Variants in CEP78 observed in about 807,000 individuals in gnomAD.
The protein encoded by CEP78 is centrosomal protein 78.
CEP78 carries 76 observed loss-of-function variants against 81.2 expected under a neutral mutation model. The ratio of observed to expected loss-of-function variants is 0.94; its 90% CI spans 0.78 to 1.13. The LOEUF (loss-of-function observed/expected upper bound fraction) is 1.13. Among genes scored for constraint, CEP78 ranks in the 50% most tolerant of loss-of-function variants. The probability of loss-of-function intolerance (pLI) is 0.00; values close to 1 mark genes in which losing one functional copy is unlikely to be tolerated. For synonymous variants in CEP78, 293 were observed against 301.4 expected (o/e 0.97, Z 0.29); for missense variants, 918 against 846.8 (o/e 1.08, Z -1.04).
At chr9:78,253,486 G>A in intron 10 of CEP78, 2 of 459,230 alleles carry the variant, frequency 4.4e-6, no homozygotes, top group Non-Finnish European at 7.9e-6. Context: ...CATCTGTGTA[G>A]ACAGGAAGTC....
In CEP78 at chr9:78,236,422, G is replaced by A. The variant is rs546848947; in HGVS notation, c.72G>A (p.Ala24=). Residue 24 remains alanine (A), a synonymous_variant, in exon 1 of 17, where the codon GCG becomes GCA. Coordinates refer to ENST00000643273, the MANE Select transcript of CEP78 (RefSeq NM_001330691.3). ...TCTCCCACTACGAGTACCTGTGCGC[G>A]CTGCAGAACTCGGTGCCGCTGCCCG... The part of the protein sequence containing the change: ...DFFSHYEYLC[A]LQNSVPLPAV... The A allele has an allele frequency of 6.2e-6, 10 of 1,600,850 alleles. No homozygotes were observed. In the African/African-American group the frequency reaches 9.4e-5, roughly 15 times the overall value.
At position 78,236,464 on chromosome 9, in the gene CEP78, C is replaced by G. The variant is rs1216314791; in HGVS notation, c.114C>G (p.Leu38=). 4 of 1,606,388 alleles carry G rather than the reference C, an allele frequency of 2.5e-6. No homozygotes were observed. The highest frequency in any genetic ancestry group is 3.4e-6 in the Non-Finnish European group (4 of 1,176,630). Reference sequence around the variant, plus strand: ...CGCTGCCCGCCGTGCGCGCCTGTCTCCGGGAGGGCGTGCTGGATTTCAACG... The same window carrying G: ...CGCTGCCCGCCGTGCGCGCCTGTCTGCGGGAGGGCGTGCTGGATTTCAACG... ...SVPLPAVRAC[L]REGVLDFNAD... Residue 38 remains leucine (L), a synonymous_variant, in exon 1 of 17, where the codon CTC becomes CTG. Coordinates refer to ENST00000643273, the MANE Select transcript of CEP78 (RefSeq NM_001330691.3).
intron 1 of CEP78, among the ~76,000 whole-genome samples, chr9:78,238,125 C>A (rs868668635): frequency 6.6e-3 from 631 of 95,342 alleles, no homozygotes; most frequent in African/African-American, 0.016. Flanking sequence ...AACTCTGTCT[C>A]AAAAAAAAAA....
intron 3 of CEP78, among the ~76,000 whole-genome samples, chr9:78,240,699 G>A (rs1248986591): frequency 5.3e-5 from 8 of 152,062 alleles, no homozygotes; most frequent in Non-Finnish European, 1.0e-4. Context: ...GGTGGCTCAC[G>A]CCTGTGATCC....
In CEP78 at chr9:78,262,936, AAAGG is replaced by A. The variant is rs1261640800; in HGVS notation, c.1414_1417del (p.Glu472LysfsTer3). 4 of 1,544,836 alleles carry A rather than the reference AAAGG, an allele frequency of 2.6e-6. No individual in the cohort carries two copies. In the Admixed American group the frequency reaches 7.9e-5, roughly 31 times the overall value. On this transcript the variant is annotated frameshift_variant, in exon 12 of 17. Coordinates refer to ENST00000643273, the MANE Select transcript of CEP78 (RefSeq NM_001330691.3). LOFTEE classifies it high-confidence loss of function. Reference sequence around the variant, plus strand: ...AACTGGAGGAGTGCCTAAAGCAGTTAAAGGAAGAAAGAGTGATAAGGCTTAAGGT... The same window carrying A: ...AACTGGAGGAGTGCCTAAAGCAGTTAAAGAAAGAGTGATAAGGCTTAAGGT...
Position 78,274,923 on chromosome 9 carries a change from A to T in CEP78, c.*4072A>T, listed in dbSNP as rs909419035. 1 of 152,208 alleles carries T rather than the reference A, an allele frequency of 6.6e-6. No individual in the cohort carries two copies. The highest frequency in any genetic ancestry group is 1.5e-5 in the Non-Finnish European group (1 of 68,034). 9.4% of individuals were successfully genotyped at this position (152,208 alleles called of 1,614,324 possible). Reference sequence around the variant, plus strand: ...GATGAATTAAACATTTAAAGCTAAGAAAGAGATAAACCAAAAGAAAGGTGA... The same window carrying T: ...GATGAATTAAACATTTAAAGCTAAGTAAGAGATAAACCAAAAGAAAGGTGA... On this transcript the variant is annotated 3_prime_UTR_variant, in exon 17 of 17. Transcript: ENST00000643273.
chr9:78,244,636 A>G (rs1410269151), intron 5 of CEP78, among the ~76,000 whole-genome samples: 1 of 152,114 alleles, frequency 6.6e-6, no homozygotes, highest in Admixed American at 6.5e-5. Flanking sequence ...TGCAAATGGG[A>G]TTGGTCTCTG....
chr9:78,267,774 A>G (rs923086837), intron 16 of CEP78, among the ~76,000 whole-genome samples: 5 of 152,194 alleles, frequency 3.3e-5, no homozygotes. Flanking sequence ...AGGCAGAGTT[A>G]GTAAGAGTAT....
intron 1 of CEP78, among the ~76,000 whole-genome samples, chr9:78,237,075 G>C (rs1402946061): frequency 7.3e-6 from 1 of 137,040 alleles, no homozygotes; most frequent in African/African-American, 2.7e-5. Context: ...CCGCCTCCCG[G>C]GTTCAAGTGA....
At chr9:78,257,659 T>A (rs1298763723) in intron 11 of CEP78, among the ~76,000 whole-genome samples, 1 of 152,112 alleles carries the variant, frequency 6.6e-6, no homozygotes, top group East Asian at 1.9e-4. Flanking sequence ...AGGAGAAAGT[T>A]CTGTTGGCAT....
intron 11 of CEP78, among the ~76,000 whole-genome samples, chr9:78,257,159 G>A (rs1483068100): frequency 1.3e-5 from 2 of 151,620 alleles, no homozygotes; most frequent in African/African-American, 4.8e-5. Flanking sequence ...TAAGTAGACA[G>A]TCTTCACTGT....
intron 16 of CEP78, 86 bp downstream of exon 16, chr9:78,266,789 C>G: frequency 6.5e-7 from 1 of 1,540,470 alleles, no homozygotes; most frequent in Non-Finnish European, 8.7e-7. Context: ...ACCAGAAAAG[C>G]AAAGAAACTA....
At position 78,248,861 on chromosome 9, in the gene CEP78, A is replaced by G. The variant is rs1284030762; in HGVS notation, c.1057A>G (p.Thr353Ala). 7 of 1,565,838 alleles carry G rather than the reference A, an allele frequency of 4.5e-6. No homozygotes were observed. In the East Asian group the frequency reaches 1.4e-4, roughly 30 times the overall value. The change falls in exon 8 of 17, where the codon ACT becomes GCT. Residue 353 changes from threonine (T) to alanine (A), a missense_variant. Thr to Ala is a moderately conservative substitution (Grantham distance 58). Coordinates refer to ENST00000643273, the MANE Select transcript of CEP78 (RefSeq NM_001330691.3). Reference sequence around the variant, plus strand: ...AGGAAGTGGTCACAAAGGAAAAGCTACTATTAGAATTGGTAACCTTTTCTG... The same window carrying G: ...AGGAAGTGGTCACAAAGGAAAAGCTGCTATTAGAATTGGTAACCTTTTCTG... ...ILGSGHKGKA[T>A]IRIGLATKKP...
intron 2 of CEP78, 21 bp downstream of exon 2, chr9:78,240,216 C>T: frequency 6.2e-7 from 1 of 1,612,476 alleles, no homozygotes; most frequent in Non-Finnish European, 8.5e-7. Flanking sequence ...TCTCATTTGG[C>T]TTGTAGACAT....
Position 78,266,650 on chromosome 9 carries a change from A to C in CEP78, c.2054A>C (p.Glu685Ala). The change falls in exon 16 of 17, where the codon GAA becomes GCA. Residue 685 changes from glutamate to alanine, a missense_variant. Glu to Ala is a moderately radical substitution (Grantham distance 107, BLOSUM62 -1). Transcript: ENST00000643273. ...TCTGGAACTGGAAGTCAAAGAAAAG[A>C]AGAGGAGTTGTCCAGAAATAGCAGA... ...ATSGTGSQRK[E>A]EELSRNSRSS... is the part of the protein sequence containing the mutation. 1 of 1,612,460 alleles carries C rather than the reference A, an allele frequency of 6.2e-7. No individual in the cohort carries two copies. Among genetic ancestry groups the C allele is most frequent in the Non-Finnish European group, 8.5e-7 (1 of 1,179,106 alleles).
chr9:78,265,236 G>T (rs763202262), intron 13 of CEP78, 136 bp from the exon 14 acceptor site: 102 of 632,238 alleles, frequency 1.6e-4, no homozygotes, highest in Non-Finnish European at 2.5e-4. Context: ...GGGAGGGATG[G>T]GGGTGTAGTC....
In CEP78 at chr9:78,273,494, G is replaced by T. The variant is rs1231842211; in HGVS notation, c.*2643G>T. ...CACGCCTGTAATCCTAGCACTTTGG[G>T]AGGCCGAGGTGGGTGGATCACCTGA... On this transcript the variant is annotated 3_prime_UTR_variant, in exon 17 of 17. Coordinates refer to ENST00000643273, the MANE Select transcript of CEP78 (RefSeq NM_001330691.3). 1 of 151,926 alleles carries T rather than the reference G, an allele frequency of 6.6e-6. No homozygotes were observed. The allele number at this position is 151,926 out of a possible 1,614,324, so 9.4% of individuals were successfully genotyped here. A position where few individuals can be genotyped will look rare whatever the true frequency, so the allele number is the denominator to read the frequency against.
chr9:78,278,852 C>T lies in CEP78; in HGVS notation c.*8001C>T, dbSNP rs1408929722. The T allele has an allele frequency of 6.6e-6, 1 of 151,970 alleles. No individual in the cohort carries two copies. The highest frequency in any genetic ancestry group is 1.5e-5 in the Non-Finnish European group (1 of 68,006). 9.4% of individuals were successfully genotyped at this position (151,970 alleles called of 1,614,324 possible). ...AGAACCCTTTTGTGACACTGAAAACCTGAGTTTTCAAACTGATACATCTAC... is the reference window on the plus strand; with the variant it reads ...AGAACCCTTTTGTGACACTGAAAACTTGAGTTTTCAAACTGATACATCTAC... On this transcript the variant is annotated 3_prime_UTR_variant, in exon 17 of 17. Coordinates refer to ENST00000643273, the MANE Select transcript of CEP78 (RefSeq NM_001330691.3).
At chr9:78,257,607 AAG>A (rs1413828510) in intron 11 of CEP78, among the ~76,000 whole-genome samples, 3 of 152,074 alleles carry the variant, frequency 2.0e-5, no homozygotes, top group African/African-American at 7.2e-5. Context: ...GGGAGGGGGA[AAG>A]AGAGAGGAGA....
Sources: allele counts gnomAD v4.1 joint callset (sites outside exome capture counted in the v4.1 genomes callset), GRCh38; gene constraint gnomAD v4.1.1; transcripts MANE v1.5; gene names NCBI Gene and HGNC (gene_info 2026-07-23, HGNC 2026-07-21).